PLCH1: variants seen among roughly 807,000 people sequenced by gnomAD.
PLCH1 encodes the protein 1-phosphatidylinositol 4,5-bisphosphate phosphodiesterase eta-1.
Under a neutral mutation model 126.7 loss-of-function variants are expected in PLCH1, and 60 were observed. That is an observed-to-expected ratio of 0.47 (90% CI 0.38 to 0.59). The LOEUF (loss-of-function observed/expected upper bound fraction) is 0.59. PLCH1 is among the 20% of genes least tolerant of loss of function. The probability of loss-of-function intolerance (pLI) is 0.00; values close to 1 mark genes in which losing one functional copy is unlikely to be tolerated. For synonymous variants in PLCH1, 719 were observed against 734.9 expected (o/e 0.98, Z 0.35); for missense variants, 1,723 against 2,040.0 (o/e 0.84, Z 2.99).
chr3:155,482,585 G>T lies in PLCH1; in HGVS notation c.3441C>A (p.Asp1147Glu). ...GRAATSFSLS[D>E]VSMLCSDIPD... Reference sequence around the variant, plus strand: ...GTATGTCAGAACAGAGCATGGAGACGTCTGACAAAGAAAAGGATGTTGCAG... The same window carrying T: ...GTATGTCAGAACAGAGCATGGAGACTTCTGACAAAGAAAAGGATGTTGCAG... Residue 1147 changes from aspartate to glutamate, a missense_variant, in exon 23 of 23, where the codon GAC becomes GAA. By Grantham distance (45) the Asp-to-Glu change is conservative. Around this residue, in one of 2 missense-constraint regions of PLCH1, gnomAD observed 947 missense variants for 977.1 expected, o/e 0.97. Coordinates refer to ENST00000460012, the MANE Select transcript of PLCH1 (RefSeq NM_014996.4). 6.2e-7 allele frequency: 1 copy of T among 1,614,112 alleles called. No individual in the cohort carries two copies. Among genetic ancestry groups the T allele is most frequent in the South Asian group, 1.1e-5 (1 of 91,082 alleles).
At chr3:155,727,591 T>C (rs1463202294) in intron 1 of PLCH1, among the ~76,000 whole-genome samples, 1 of 152,136 alleles carries the variant, frequency 6.6e-6, no homozygotes, top group Non-Finnish European at 1.5e-5. Flanking sequence ...TTTCACCATG[T>C]TAGCCAGGCT....
intron 2 of PLCH1, among the ~76,000 whole-genome samples, chr3:155,637,310 A>T (rs1184567782): frequency 6.6e-6 from 1 of 152,230 alleles, no homozygotes; most frequent in East Asian, 1.9e-4. Context: ...AGAAGAGGCT[A>T]AACCCTTAAC....
intron 18 of PLCH1, among the ~76,000 whole-genome samples, chr3:155,491,398 G>A (rs1716174512): frequency 6.6e-6 from 1 of 151,986 alleles, no homozygotes; most frequent in Non-Finnish European, 1.5e-5. Flanking sequence ...CGAGTAGCTG[G>A]GACTATAGGA....
intron 15 of PLCH1, among the ~76,000 whole-genome samples, 186 bp from the exon 16 acceptor site, chr3:155,494,703 C>CT (rs1195647479): frequency 6.6e-6 from 1 of 152,182 alleles, no homozygotes; most frequent in African/African-American, 2.4e-5. Flanking sequence ...TCATAGGGTT[C>CT]TTTTGCCATT....
chr3:155,564,891 G>A (rs375024239), intron 8 of PLCH1, 24 bp downstream of exon 8: 106 of 1,536,290 alleles, frequency 6.9e-5, no homozygotes, highest in Admixed American at 1.3e-4. Flanking sequence ...CATACACACC[G>A]GAGCTCAGAA....
chr3:155,694,427 A>G (rs1038378528), intron 2 of PLCH1, among the ~76,000 whole-genome samples: 12 of 152,226 alleles, frequency 7.9e-5, no homozygotes, highest in African/African-American at 2.7e-4. Context: ...CCACATCTAG[A>G]GATGATAAGC....
At chr3:155,614,682 G>A (rs1315980424) in intron 2 of PLCH1, among the ~76,000 whole-genome samples, 1 of 152,204 alleles carries the variant, frequency 6.6e-6, no homozygotes, top group African/African-American at 2.4e-5. Context: ...ATAAAGTGGA[G>A]AAAGGCCACC....
intron 2 of PLCH1, among the ~76,000 whole-genome samples, chr3:155,703,206 A>T (rs551344110): frequency 6.6e-6 from 1 of 152,324 alleles, no homozygotes; most frequent in East Asian, 1.9e-4. Flanking sequence ...GTTATCTTAA[A>T]CTTAGTTTAA....
At chr3:155,659,155 C>A (rs1007128353) in intron 2 of PLCH1, among the ~76,000 whole-genome samples, 1 of 152,052 alleles carries the variant, frequency 6.6e-6, no homozygotes, top group Non-Finnish European at 1.5e-5. Flanking sequence ...AGCAATGGGG[C>A]TGAAGGACAC....
intron 1 of PLCH1, among the ~76,000 whole-genome samples, chr3:155,705,308 A>G (rs548172056): frequency 6.6e-6 from 1 of 152,242 alleles, no homozygotes; most frequent in East Asian, 1.9e-4. Context: ...TTGGCTCCCT[A>G]TGGCCCAACC....
intron 10 of PLCH1, among the ~76,000 whole-genome samples, chr3:155,531,508 C>T (rs571377859): frequency 6.6e-6 from 1 of 152,228 alleles, no homozygotes; most frequent in Admixed American, 6.5e-5. Context: ...GCCTGTAATC[C>T]CAGCTACTTG....
chr3:155,549,378 GT>G (rs1411321196), intron 10 of PLCH1, among the ~76,000 whole-genome samples: 1 of 151,734 alleles, frequency 6.6e-6, no homozygotes, highest in Admixed American at 6.6e-5. Flanking sequence ...GTTTTTTTTG[GT>G]TTTTTTGACA....
intron 10 of PLCH1, among the ~76,000 whole-genome samples, chr3:155,543,671 C>T (rs1223074860): frequency 2.3e-4 from 35 of 152,148 alleles, no homozygotes; most frequent in African/African-American, 8.2e-4. Flanking sequence ...GGAAGCCCAT[C>T]AGACTAACAG....
In PLCH1 at chr3:155,593,921, TA is replaced by T; in HGVS notation, c.470+19del. 6.2e-7 allele frequency: 1 copy of T among 1,611,716 alleles called. No homozygotes were observed. The highest frequency in any genetic ancestry group is 8.5e-7 in the Non-Finnish European group (1 of 1,178,328). On this transcript the variant is annotated intron_variant, in intron 4 of 22. Transcript: ENST00000460012. The stretch of plus-strand genomic sequence containing the variant: ...ACAGAGAGCAAGAGAGAGCTGAAAA[TA>T]AAGTTCTAGAAAGGATATTGGTCAT...
intron 2 of PLCH1, among the ~76,000 whole-genome samples, chr3:155,664,732 C>T (rs1742543883): frequency 6.6e-6 from 1 of 152,220 alleles, no homozygotes. Context: ...CATAACATTT[C>T]ATAATTTATG....
intron 13 of PLCH1, 152 bp from the exon 14 acceptor site, chr3:155,500,946 A>G (rs1477140023): frequency 5.0e-6 from 3 of 602,354 alleles, no homozygotes; most frequent in Middle Eastern, 4.3e-4. Flanking sequence ...TTCAGCATTA[A>G]TAACAAGCCT....
At chr3:155,574,312 C>T (rs1356604) in intron 6 of PLCH1, among the ~76,000 whole-genome samples, 1,967 of 152,282 alleles carry the variant, frequency 0.013, 46 homozygotes, top group African/African-American at 0.044. Flanking sequence ...CTAACCATAT[C>T]TTAAACAGAC....
chr3:155,603,666 A>T (rs917161937), intron 2 of PLCH1, among the ~76,000 whole-genome samples: 1 of 152,212 alleles, frequency 6.6e-6, no homozygotes, highest in Non-Finnish European at 1.5e-5. Flanking sequence ...TAGCTTCCAT[A>T]AATGTTATTT....
At chr3:155,633,363 A>T (rs1246475574) in intron 2 of PLCH1, among the ~76,000 whole-genome samples, 1 of 147,794 alleles carries the variant, frequency 6.8e-6, no homozygotes, top group African/African-American at 2.5e-5. Flanking sequence ...AAAAAAACCT[A>T]CTCTTTCCTG....
Sources: gnomAD v4.1 joint callset for allele counts (sites outside exome capture counted in the v4.1 genomes callset) on GRCh38, gnomAD v4.1.1 for gene constraint, gnomAD v4.1.1 regional missense constraint, MANE v1.5 for transcripts, NCBI Gene and HGNC (gene_info 2026-07-23, HGNC 2026-07-21) for gene names.